Variants in MAMSTR observed in about 807,000 individuals in gnomAD.
MAMSTR encodes MEF2-activating motif and SAP domain-containing transcriptional regulator.
In MAMSTR, 41 loss-of-function variants were observed where a neutral mutation model predicts 42.7. The ratio of observed to expected loss-of-function variants is 0.96; its 90% CI spans 0.75 to 1.25. The LOEUF is 1.25. MAMSTR is among the 50% of genes most tolerant of loss of function. The pLI is 0.00. For missense variants in MAMSTR, 567 were observed against 557.6 expected, an observed-to-expected ratio of 1.02 and a Z score of -0.17; for synonymous variants, 265 against 244.1, an observed-to-expected ratio of 1.09 and a Z score of -0.80.
downstream of MAMSTR, among the ~76,000 whole-genome samples, chr19:48,710,086 G>A (rs576462524): frequency 4.6e-5 from 7 of 151,106 alleles, no homozygotes; most frequent in Middle Eastern, 3.4e-3. Context: ...CTTGATCTCC[G>A]GACCTCGTGA....
Position 48,714,040 on chromosome 19 carries a change from C to A in MAMSTR, c.729G>T (p.Lys243Asn). ...GTGGCCTGTGAGATGCTGCGCTGGG[C>A]TTGACCTAGAGCAGCCAAGAGGGCG... ...LAAARRQGSV[K>N]PSAASHRPPL... The change falls in exon 8 of 10, where the codon AAG (lysine) becomes AAT (asparagine). Residue 243 changes from lysine to asparagine, a missense_variant. Coordinates refer to ENST00000318083, the MANE Select transcript of MAMSTR (RefSeq NM_001130915.2). The A allele has an allele frequency of 6.3e-7, 1 of 1,589,440 alleles. No homozygotes were observed. Among genetic ancestry groups the A allele is most frequent in the Non-Finnish European group, 8.6e-7 (1 of 1,168,336 alleles).
At position 48,713,714 on chromosome 19, in the gene MAMSTR, A is replaced by C; in HGVS notation, c.964+2T>G. On this transcript the variant is annotated splice_donor_variant, in intron 9 of 9. Coordinates refer to ENST00000318083, the MANE Select transcript of MAMSTR (RefSeq NM_001130915.2). LOFTEE classifies it high-confidence loss of function. ...CCCTAAATCTAGCAGTTTGGATCCT[A>C]CCATCAGGCTCCACCTGATCCTCCA... 1 of 1,614,126 alleles carries C rather than the reference A, an allele frequency of 6.2e-7. No homozygotes were observed. Among genetic ancestry groups the C allele is most frequent in the Non-Finnish European group, 8.5e-7 (1 of 1,180,000 alleles).
Position 48,714,396 on chromosome 19 carries a change from C to T in MAMSTR, c.693G>A (p.Lys231=). Residue 231 remains lysine, a synonymous_variant, in exon 7 of 10, where the codon AAG becomes AAA. Coordinates refer to ENST00000318083, the MANE Select transcript of MAMSTR (RefSeq NM_001130915.2). ...CCTGACGCCGGGCGGCTGCCAGGGC[C>T]TTGGGCTTGAGGCGCGGCCAGGGAG... The part of the protein sequence containing the change: ...AGAPWPRLKP[K]ALAAARRQGS... The T allele has an allele frequency of 7.2e-7, 1 of 1,385,980 alleles. No individual in the cohort carries two copies. Among genetic ancestry groups the T allele is most frequent in the Non-Finnish European group, 9.3e-7 (1 of 1,078,638 alleles). 85.9% of individuals were successfully genotyped at this position (1,385,980 alleles called of 1,614,324 possible).
At chr19:48,712,007 T>C (rs1185590523), downstream of MAMSTR, among the ~76,000 whole-genome samples, 1 of 152,024 alleles carries the variant, frequency 6.6e-6, no homozygotes, top group East Asian at 1.9e-4. Context: ...CCGCCCACCT[T>C]GGCCTCCCAA....
intron 2 of MAMSTR, among the ~76,000 whole-genome samples, chr19:48,717,905 G>A (rs997791080): frequency 2.0e-5 from 3 of 152,082 alleles, no homozygotes; most frequent in Non-Finnish European, 4.4e-5. Context: ...GGGTTTCACC[G>A]TGTTGCCCAG....
chr19:48,709,938 C>T (rs866687047), downstream of MAMSTR, among the ~76,000 whole-genome samples: 7 of 149,882 alleles, frequency 4.7e-5, no homozygotes, highest in South Asian at 6.4e-4. Flanking sequence ...GGCGTGATCT[C>T]GGCTCACTGC....
rs1377938165 is a variant in MAMSTR, at chr19:48,714,850, G to C, written c.484C>G (p.Pro162Ala). 2 of 1,612,856 alleles carry C rather than the reference G, an allele frequency of 1.2e-6. No homozygotes were observed. Among genetic ancestry groups the C allele is most frequent in the Admixed American group, 3.3e-5 (2 of 59,954 alleles). Reference sequence around the variant, plus strand: ...AGGGTCTGAAGTTCCAACTTGTGTGGGGGGGGCGAGGGGCTAGGGACTCCT... The same window carrying C: ...AGGGTCTGAAGTTCCAACTTGTGTGCGGGGGGCGAGGGGCTAGGGACTCCT... Reference protein sequence around the residue: ...PPGVPSPSPPPHKLELQTLKL... With the variant: ...PPGVPSPSPPAHKLELQTLKL... The change falls in exon 6 of 10, where the codon CCA becomes GCA. Residue 162 changes from proline to alanine, a missense_variant. Coordinates refer to ENST00000318083, the MANE Select transcript of MAMSTR (RefSeq NM_001130915.2).
At chr19:48,707,193 T>C in the MAMSTR span, among the ~76,000 whole-genome samples, 2 of 150,950 alleles carry the variant, frequency 1.3e-5, no homozygotes, top group African/African-American at 4.9e-5. Flanking sequence ...CCGAGGCAGG[T>C]GGATCACAAA....
chr19:48,710,669 T>C (rs2122252365), downstream of MAMSTR, among the ~76,000 whole-genome samples: 1 of 150,038 alleles, frequency 6.7e-6, no homozygotes. Flanking sequence ...CGATCTTGGC[T>C]CACTGCAACC....
intron 4 of MAMSTR, 33 bp from the exon 5 acceptor site, chr19:48,715,479 G>T: frequency 1.4e-6 from 2 of 1,469,478 alleles, no homozygotes; most frequent in South Asian, 2.9e-5. Flanking sequence ...TTAGGCTTCA[G>T]CGCGGCTCCC....
chr19:48,717,398 T>A (rs1043150980), intron 2 of MAMSTR, among the ~76,000 whole-genome samples: 2 of 151,826 alleles, frequency 1.3e-5, no homozygotes, highest in African/African-American at 4.8e-5. Context: ...CACTGCAGCC[T>A]TGAACTCCTG....
chr19:48,715,844 C>T (rs776629321), intron 3 of MAMSTR, 77 bp from the exon 4 acceptor site: 5 of 1,489,406 alleles, frequency 3.4e-6, no homozygotes, highest in East Asian at 2.7e-5. Flanking sequence ...GTGTGGAAAG[C>T]GGGGCTCCAG....
In MAMSTR at chr19:48,713,403, T is replaced by C; in HGVS notation, c.1112A>G (p.Asp371Gly). 3.1e-6 allele frequency: 5 copies of C among 1,612,626 alleles called. No individual in the cohort carries two copies. The highest frequency in any genetic ancestry group is 4.2e-6 in the Non-Finnish European group (5 of 1,179,604). ...SSSPSPRDPT[D>G]SLDWLEALSG... The stretch of plus-strand genomic sequence containing the variant: ...CAGGGCCTCCAGCCAGTCCAGGGAG[T>C]CCGTGGGGTCCCTGGGAGAAGGGGA... Residue 371 changes from aspartate (D) to glycine (G), a missense_variant, in exon 10 of 10, where the codon GAC becomes GGC. Asp to Gly is a moderately conservative substitution (Grantham distance 94, BLOSUM62 -1). Coordinates refer to ENST00000318083, the MANE Select transcript of MAMSTR (RefSeq NM_001130915.2).
At chr19:48,709,524 T>C (rs915859334), downstream of MAMSTR, among the ~76,000 whole-genome samples, 1 of 152,214 alleles carries the variant, frequency 6.6e-6, no homozygotes, top group Non-Finnish European at 1.5e-5. Flanking sequence ...CTCTTGCCAG[T>C]TCTGTGCACC....
At chr19:48,716,590 G>C in intron 3 of MAMSTR, 115 bp downstream of exon 3, 4 of 1,189,708 alleles carry the variant, frequency 3.4e-6, no homozygotes, top group Non-Finnish European at 4.3e-6. Flanking sequence ...GTCTGTCCCA[G>C]GGGATGGAGA....
At chr19:48,714,952 G>A in intron 5 of MAMSTR, 44 bp from the exon 6 acceptor site, 1 of 1,298,610 alleles carries the variant, frequency 7.7e-7, no homozygotes, top group Admixed American at 2.0e-5. Flanking sequence ...GAGAGGTAGA[G>A]GGGGAAAAGG....
the MAMSTR span, chr19:48,706,022 G>C: frequency 6.6e-6 from 1 of 152,156 alleles, no homozygotes; most frequent in Non-Finnish European, 1.5e-5. Context: ...GCCAGGCATG[G>C]TGGCTGTAAT....
At chr19:48,717,144 C>T in intron 2 of MAMSTR, 1 of 201,312 alleles carries the variant, frequency 5.0e-6, no homozygotes, top group Non-Finnish European at 9.0e-6. Context: ...ATCTCGGGGC[C>T]TTCCCACAGT....
chr19:48,716,652 C>T (rs1277131592), intron 3 of MAMSTR, 53 bp downstream of exon 3: 1 of 1,328,966 alleles, frequency 7.5e-7, no homozygotes, highest in Non-Finnish European at 9.7e-7. Context: ...TCCAGGATAT[C>T]CCAGTGGGGA....
Sources: gnomAD v4.1 joint callset for allele counts (sites outside exome capture counted in the v4.1 genomes callset) on GRCh38, gnomAD v4.1.1 for gene constraint, MANE v1.5 for transcripts, NCBI Gene and HGNC (gene_info 2026-07-23, HGNC 2026-07-21) for gene names.